The following TARS3 variants were observed in gnomAD, a reference collection of about 807,000 sequenced individuals.
TARS3 encodes the protein threonine--tRNA ligase 2, cytoplasmic.
Under a neutral mutation model 103.5 loss-of-function variants are expected in TARS3, and 94 were observed. The ratio of observed to expected loss-of-function variants is 0.91; its 90% CI spans 0.77 to 1.08. TARS3 has a LOEUF of 1.08. Ranked by LOEUF, TARS3 falls within the 50% of genes least tolerant of loss-of-function variation. The pLI, the probability that TARS3 is intolerant of heterozygous loss-of-function variation, is 0.00. For missense variants in TARS3, 952 were observed against 995.2 expected (o/e 0.96, Z 0.58); for synonymous variants, 416 against 355.4 (o/e 1.17, Z -1.92).
chr15:101,671,647 T>C, intron 14 of TARS3, 24 bp downstream of exon 14: 2 of 1,613,484 alleles, frequency 1.2e-6, no homozygotes, highest in Non-Finnish European at 1.7e-6. Context: ...CATTTTGCTG[T>C]TTTGAAGCAT....
Position 101,714,901 on chromosome 15 carries a change from C to G in TARS3, c.629G>C (p.Arg210Pro). Reference protein sequence around the residue: ...KVNGELWDLDRPLEGDSSLEL... With the variant: ...KVNGELWDLDPPLEGDSSLEL... ...TAGAGAAGAGTCCCCTTCCAATGGG[C>G]GGTCCAGGTCCCACAGTTCACCATT... The change falls in exon 4 of 19, where the codon CGC becomes CCC. Residue 210 changes from arginine (R) to proline (P), a missense_variant. Around this residue, in one of 2 missense-constraint regions of TARS3, gnomAD observed 412 missense variants for 364.2 expected, o/e 1.13. Transcript: ENST00000335968. 6.2e-7 allele frequency: 1 copy of G among 1,613,138 alleles called. No homozygotes were observed. Among genetic ancestry groups the G allele is most frequent in the Non-Finnish European group, 8.5e-7 (1 of 1,179,414 alleles).
intron 11 of TARS3, among the ~76,000 whole-genome samples, chr15:101,684,639 A>T (rs1898392126): frequency 6.6e-6 from 1 of 152,228 alleles, no homozygotes; most frequent in Non-Finnish European, 1.5e-5. Context: ...TCTTTTTATA[A>T]CAGATTGTCT....
intron 3 of TARS3, among the ~76,000 whole-genome samples, chr15:101,718,050 T>C (rs760940592): frequency 5.9e-5 from 9 of 152,114 alleles, no homozygotes; most frequent in Non-Finnish European, 1.0e-4. Context: ...ACAGTGCTTG[T>C]AGCACACAAG....
intron 3 of TARS3, among the ~76,000 whole-genome samples, chr15:101,715,434 C>T (rs915833294): frequency 2.6e-5 from 4 of 152,158 alleles, no homozygotes; most frequent in African/African-American, 9.7e-5. Context: ...GCGTGAGCCA[C>T]CGCGCCCAGC....
intron 9 of TARS3, 97 bp downstream of exon 9, chr15:101,702,142 A>C: frequency 6.8e-7 from 1 of 1,465,060 alleles, no homozygotes. Context: ...GAGAAGAAGA[A>C]GAAATCTTAT....
At chr15:101,718,461 G>A (rs1374191164) in intron 3 of TARS3, among the ~76,000 whole-genome samples, 1 of 152,180 alleles carries the variant, frequency 6.6e-6, no homozygotes, top group Non-Finnish European at 1.5e-5. Context: ...GGAAGGGATA[G>A]GGAGGCTCCC....
intron 6 of TARS3, among the ~76,000 whole-genome samples, chr15:101,708,270 A>C (rs1211607960): frequency 1.3e-5 from 2 of 150,764 alleles, no homozygotes; most frequent in Non-Finnish European, 1.5e-5. Flanking sequence ...AAAAAAAAAA[A>C]AAAAAAAAAA....
intron 5 of TARS3, among the ~76,000 whole-genome samples, chr15:101,711,537 C>G (rs1899867279): frequency 6.6e-6 from 1 of 152,198 alleles, no homozygotes; most frequent in Non-Finnish European, 1.5e-5. Flanking sequence ...GATCCACTTC[C>G]ACTAAATGAA....
At chr15:101,688,822 T>C (rs1335425786) in intron 10 of TARS3, among the ~76,000 whole-genome samples, 1 of 152,164 alleles carries the variant, frequency 6.6e-6, no homozygotes, top group Non-Finnish European at 1.5e-5. Context: ...AGAAGCAAGC[T>C]ACTTTAACTG....
chr15:101,723,356 T>G (rs1900587508), intron 1 of TARS3, among the ~76,000 whole-genome samples, 192 bp from the exon 2 acceptor site: 1 of 152,206 alleles, frequency 6.6e-6, no homozygotes, highest in South Asian at 2.1e-4. Context: ...ACACTGTTGC[T>G]AAGCACATTT....
At chr15:101,671,790 CTTT>C in intron 13 of TARS3, 42 bp from the exon 14 acceptor site, 1 of 1,349,202 alleles carries the variant, frequency 7.4e-7, no homozygotes. Flanking sequence ...TACACTGTAT[CTTT>C]TTTTTTTACA....
intron 4 of TARS3, among the ~76,000 whole-genome samples, chr15:101,712,869 G>A (rs980847106): frequency 4.6e-5 from 7 of 152,224 alleles, no homozygotes; most frequent in Admixed American, 1.3e-4. Flanking sequence ...AGATGATGGA[G>A]CACTATGTGC....
intron 11 of TARS3, 131 bp from the exon 12 acceptor site, chr15:101,684,368 TAA>T: frequency 4.7e-6 from 4 of 851,246 alleles, no homozygotes; most frequent in Non-Finnish European, 6.6e-6. Context: ...ATCACCAGGT[TAA>T]AAAAAAAATT....
At chr15:101,662,774 C>A (rs1408031973) in intron 15 of TARS3, among the ~76,000 whole-genome samples, 1 of 152,090 alleles carries the variant, frequency 6.6e-6, no homozygotes, top group African/African-American at 2.4e-5. Context: ...GAAAGAGAAG[C>A]AAACTGATCC....
chr15:101,707,732 G>C (rs1899642751), intron 6 of TARS3, among the ~76,000 whole-genome samples: 1 of 152,178 alleles, frequency 6.6e-6, no homozygotes, highest in Admixed American at 6.5e-5. Context: ...AATGGGTATA[G>C]AGTTTCTGAC....
Position 101,661,749 on chromosome 15 carries a change from T to A in TARS3, c.2035A>T (p.Met679Leu). Residue 679 changes from methionine to leucine, a missense_variant, in exon 16 of 19, where the codon ATG becomes TTG. Around this residue, in one of 2 missense-constraint regions of TARS3, gnomAD observed 540 missense variants for 631.0 expected, o/e 0.86. Coordinates refer to ENST00000335968, the MANE Select transcript of TARS3 (RefSeq NM_152334.3). ...TAGTTTTCTGAAAGAATGGCTATCATTCTTTCCACTGATCCCAAAATGGCT... is the reference window on the plus strand; with the variant it reads ...TAGTTTTCTGAAAGAATGGCTATCAATCTTTCCACTGATCCCAAAATGGCT... ...HRAILGSVER[M>L]IAILSENYGG... 1 of 1,608,010 alleles carries A rather than the reference T, an allele frequency of 6.2e-7. No homozygotes were observed. The highest frequency in any genetic ancestry group is 8.5e-7 in the Non-Finnish European group (1 of 1,176,604).
chr15:101,696,293 T>C (rs1297923044), intron 10 of TARS3, among the ~76,000 whole-genome samples: 1 of 151,734 alleles, frequency 6.6e-6, no homozygotes. Context: ...ACAAAGTAGT[T>C]CTACCATTTT....
chr15:101,691,243 G>T lies in TARS3; in HGVS notation c.1321-5181C>A, dbSNP rs1898707302. Among the ~76,000 whole-genome samples, 3 of 145,548 alleles carry T rather than the reference G, an allele frequency of 2.1e-5. No individual in the cohort carries two copies. In the South Asian group the frequency reaches 6.6e-4, roughly 32 times the overall value. On this transcript the variant is annotated intron_variant, in intron 10 of 18. Coordinates refer to ENST00000335968, the MANE Select transcript of TARS3 (RefSeq NM_152334.3). ...CATGAGCCACTGCGCCCGGCCAATGGGTATCAGTCTTAGAACTATTACCTC... is the reference window on the plus strand; with the variant it reads ...CATGAGCCACTGCGCCCGGCCAATGTGTATCAGTCTTAGAACTATTACCTC...
In TARS3 at chr15:101,678,403, TTC is replaced by T. The variant is rs1191798044; in HGVS notation, c.1651-2668_1651-2667del. ...CTTCTTGTTCTCTCTTGTTATTCAT[TTC>T]TGTTTTATTTTTCCTGTCTTCCTAT... On this transcript the variant is annotated intron_variant, in intron 12 of 18. Coordinates refer to ENST00000335968, the MANE Select transcript of TARS3 (RefSeq NM_152334.3). Among the ~76,000 whole-genome samples, 4 of 152,352 alleles carry T rather than the reference TTC, an allele frequency of 2.6e-5. No homozygotes were observed. The East Asian group carries it at 5.8e-4, about 22-fold the overall frequency.
Sources: allele counts gnomAD v4.1 joint callset (sites outside exome capture counted in the v4.1 genomes callset), GRCh38; gene constraint gnomAD v4.1.1; regional missense constraint gnomAD v4.1.1; transcripts MANE v1.5; gene names NCBI Gene and HGNC (gene_info 2026-07-23, HGNC 2026-07-21).